Variants in NOTCH2 observed in about 807,000 individuals in gnomAD.
NOTCH2 encodes notch receptor 2.
A neutral mutation model predicts 235.8 loss-of-function variants in NOTCH2; 29 were observed. The ratio of observed to expected loss-of-function variants is 0.12; its 90% confidence interval spans 0.09 to 0.17. The LOEUF is 0.17. Ranked by LOEUF, NOTCH2 falls within the 10% of genes least tolerant of loss-of-function variation. NOTCH2 has a pLI of 1.00. For synonymous variants in NOTCH2, 1,086 were observed against 1,141.5 expected, an observed-to-expected ratio of 0.95 and a Z score of 0.98; for missense variants, 2,285 against 3,150.2, an observed-to-expected ratio of 0.73 and a Z score of 6.57.
intron 9 of NOTCH2, among the ~76,000 whole-genome samples, chr1:119,965,867 CCTT>C (rs1553199601): frequency 1.3e-5 from 2 of 152,104 alleles, no homozygotes; most frequent in Non-Finnish European, 2.9e-5. Context: ...GCAACAGAAA[CCTT>C]CTCTCTGAAG....
chr1:119,955,266 T>C, intron 12 of NOTCH2, 34 bp from the exon 13 acceptor site: 1 of 1,604,868 alleles, frequency 6.2e-7, no homozygotes, highest in South Asian at 1.1e-5. Context: ...AGTCACATCC[T>C]AAATGCTTAG....
intron 2 of NOTCH2, among the ~76,000 whole-genome samples, chr1:120,006,717 A>G (rs587754687): frequency 6.6e-6 from 1 of 151,474 alleles, no homozygotes; most frequent in Non-Finnish European, 1.5e-5. Context: ...ATTACCTCAA[A>G]GATTACACAT....
rs587708814 is a variant in NOTCH2, at chr1:119,912,959, G to A, written c.*2347C>T. On this transcript the variant is annotated 3_prime_UTR_variant, in exon 34 of 34. Transcript: ENST00000256646. ...GAAAAAGAAACAAGCAATTTGGTCTGACATTGTGCTTAAGGAAAAGGGAGG... is the reference window on the plus strand; with the variant it reads ...GAAAAAGAAACAAGCAATTTGGTCTAACATTGTGCTTAAGGAAAAGGGAGG... The A allele has an allele frequency of 4.3e-6, 1 of 233,554 alleles. No individual in the cohort carries two copies. The highest frequency in any genetic ancestry group is 1.8e-4 in the South Asian group (1 of 5,530). 14.5% of individuals were successfully genotyped at this position (233,554 alleles called of 1,614,324 possible).
rs1221414213 is a variant in NOTCH2 at position 119,919,515 on chromosome 1, T to A, written c.5578A>T (p.Thr1860Ser). The A allele has an allele frequency of 6.2e-7, 1 of 1,614,002 alleles. No homozygotes were observed. Among genetic ancestry groups the A allele is most frequent in the Non-Finnish European group, 8.5e-7 (1 of 1,180,042 alleles). Reference protein sequence around the residue: ...DAEDSSANIITDLVYQGASLQ... With the variant: ...DAEDSSANIISDLVYQGASLQ... ...CTGGCACCCTGGTAGACCAAGTCTG[T>A]GATGATGTTAGCAGAAGAGTCCTCT... is the stretch of plus-strand genomic sequence containing the variant. Residue 1860 changes from threonine to serine, a missense_variant, in exon 31 of 34, where the codon ACA (threonine) becomes TCA (serine). Coordinates refer to ENST00000256646, the MANE Select transcript of NOTCH2 (RefSeq NM_024408.4).
chr1:120,010,443 G>C (rs587651368), intron 2 of NOTCH2, among the ~76,000 whole-genome samples: 20 of 152,144 alleles, frequency 1.3e-4, no homozygotes, highest in African/African-American at 4.8e-4. Context: ...ATAAATGCTT[G>C]GAGTTATTAT....
At chr1:119,945,774 T>G (rs1553196967) in intron 17 of NOTCH2, among the ~76,000 whole-genome samples, 1 of 152,040 alleles carries the variant, frequency 6.6e-6, no homozygotes, top group Non-Finnish European at 1.5e-5. Flanking sequence ...TAGTAAAAGA[T>G]TTCAATACTC....
Position 120,068,974 on chromosome 1 carries a change from G to A in NOTCH2, c.73+360C>T, listed in dbSNP as rs782266881. 7 of 1,051,850 alleles carry A rather than the reference G, an allele frequency of 6.7e-6. No homozygotes were observed. The Admixed American group carries it at 8.9e-5, about 13-fold the overall frequency. 65.2% of individuals were successfully genotyped at this position (1,051,850 alleles called of 1,614,324 possible). Reference sequence around the variant, plus strand: ...TCAGCCCCTCCGAGGCCCGCCGTCGGCTCTCGCTCGACCCCAAGAAACGCG... The same window carrying A: ...TCAGCCCCTCCGAGGCCCGCCGTCGACTCTCGCTCGACCCCAAGAAACGCG... On this transcript the variant is annotated intron_variant, in intron 1 of 33. Transcript: ENST00000256646.
chr1:119,937,114 T>C (rs971079731), intron 21 of NOTCH2, among the ~76,000 whole-genome samples, 168 bp downstream of exon 21: 9 of 152,180 alleles, frequency 5.9e-5, no homozygotes, highest in African/African-American at 2.2e-4. Context: ...TGTTAACTTA[T>C]TGCACAGAGA....
chr1:120,064,156 G>GTT (rs1655417256), intron 1 of NOTCH2, among the ~76,000 whole-genome samples: 1 of 151,762 alleles, frequency 6.6e-6, no homozygotes, highest in African/African-American at 2.4e-5. Context: ...AATATAAGAA[G>GTT]ATCTTTCTAA....
chr1:119,997,137 G>C lies in NOTCH2; in HGVS notation c.611C>G (p.Ser204Cys). The stretch of plus-strand genomic sequence containing the variant: ...GCCCTGAGGGCACTGGCACTGGTAG[G>C]AACCAGGCAGGTTGAGGCAGGTGCC... ...HGGTCLNLPG[S>C]YQCQCPQGFT... The change falls in exon 4 of 34, where the codon TCC (serine) becomes TGC (cysteine). Residue 204 changes from serine to cysteine, a missense_variant. Coordinates refer to ENST00000256646, the MANE Select transcript of NOTCH2 (RefSeq NM_024408.4). The C allele has an allele frequency of 6.2e-7, 1 of 1,614,028 alleles. No individual in the cohort carries two copies. The highest frequency in any genetic ancestry group is 8.5e-7 in the Non-Finnish European group (1 of 1,179,872).
chr1:119,950,460 G>A, intron 15 of NOTCH2: 1 of 603,248 alleles, frequency 1.7e-6, no homozygotes, highest in South Asian at 1.5e-5. Flanking sequence ...TATGTGCCTG[G>A]TTCCAGCCAC....
At chr1:120,018,020 C>A (rs1275413970) in intron 2 of NOTCH2, among the ~76,000 whole-genome samples, 1 of 151,296 alleles carries the variant, frequency 6.6e-6, no homozygotes, top group Non-Finnish European at 1.5e-5. Flanking sequence ...AGTGTTGGAG[C>A]CTTCTTTCCA....
chr1:119,930,964 A>C (rs1335700611), intron 22 of NOTCH2, among the ~76,000 whole-genome samples: 3 of 145,254 alleles, frequency 2.1e-5, no homozygotes, highest in Admixed American at 6.9e-5. Context: ...TTAGCCAGGC[A>C]TGGTGGCGGG....
chr1:119,959,399 T>C lies in NOTCH2; in HGVS notation c.2019A>G (p.Gly673=). The C allele has an allele frequency of 1.3e-6, 2 of 1,592,436 alleles. No individual in the cohort carries two copies. Among genetic ancestry groups the C allele is most frequent in the Non-Finnish European group, 1.7e-6 (2 of 1,160,328 alleles). ...INRYSCVCSP[G]FTGQRCNIDI... ...CAGTAAAAGGAGCTTTACCTGTGAATCCTGGTGAGCAGACACAACTGTAGC... is the reference window on the plus strand; with the variant it reads ...CAGTAAAAGGAGCTTTACCTGTGAACCCTGGTGAGCAGACACAACTGTAGC... Residue 673 remains glycine (G), a synonymous_variant, in exon 12 of 34, where the codon GGA becomes GGG. Transcript: ENST00000256646.
chr1:119,923,796 C>T lies in NOTCH2; in HGVS notation c.4700G>A (p.Arg1567Gln), dbSNP rs1252720747. The T allele has an allele frequency of 3.1e-6, 5 of 1,614,116 alleles. No homozygotes were observed. The highest frequency in any genetic ancestry group is 1.7e-5 in the Admixed American group (1 of 60,012). The change falls in exon 26 of 34, where the codon CGG (arginine) becomes CAG (glutamine). Residue 1567 changes from arginine to glutamine, a missense_variant. Around this residue, in one of 6 missense-constraint regions of NOTCH2, gnomAD observed 1,173 missense variants for 1,515.3 expected, o/e 0.77. Transcript: ENST00000256646. ...QLLQDARSFLRALGTLLHTNL... is the reference protein window; with the variant it reads ...QLLQDARSFLQALGTLLHTNL... ...GGTGTGGAGCAGGGTACCCAGTGCC[C>T]GCAAGAAGCTGCGAGCATCCTGGAG... is the stretch of plus-strand genomic sequence containing the variant.
In NOTCH2 at chr1:119,967,758, T is replaced by C. The variant is rs587693285; in HGVS notation, c.1265-137A>G. 101 of 825,520 alleles carry C rather than the reference T, an allele frequency of 1.2e-4. 1 individual carries two copies. The highest frequency in any genetic ancestry group is 1.0e-3 in the South Asian group (66 of 64,718). 51.1% of individuals were successfully genotyped at this position (825,520 alleles called of 1,614,324 possible). A position where few individuals can be genotyped will look rare whatever the true frequency, so the allele number is the denominator to read the frequency against. Reference sequence around the variant, plus strand: ...TCATTCCCAATTTTCTATTTTTTTTTCCTTAATTTAAAAAGAAATAAAAGC... The same window carrying C: ...TCATTCCCAATTTTCTATTTTTTTTCCCTTAATTTAAAAAGAAATAAAAGC... On this transcript the variant is annotated intron_variant, in intron 7 of 33. Transcript: ENST00000256646.
chr1:119,944,376 A>T (rs1171253404), intron 17 of NOTCH2, among the ~76,000 whole-genome samples: 3 of 152,212 alleles, frequency 2.0e-5, no homozygotes, highest in East Asian at 3.9e-4. Context: ...TCTACTAAAA[A>T]TACAAAAAAT....
rs781793211 is a variant in NOTCH2, at chr1:119,937,457, A to G, written c.3347T>C (p.Val1116Ala). The G allele has an allele frequency of 3.1e-6, 5 of 1,613,440 alleles. No homozygotes were observed. The highest frequency in any genetic ancestry group is 4.2e-6 in the Non-Finnish European group (5 of 1,179,970). Residue 1116 changes from valine (V) to alanine (A), a missense_variant, in exon 21 of 34, where the codon GTT becomes GCT. Val to Ala is a moderately conservative substitution (Grantham distance 64). This residue lies in a region of NOTCH2 where 1,173 missense variants were observed against 1,515.3 expected (regional missense o/e 0.77). Transcript: ENST00000256646. ...ACCTGAGTGCTGGCACAAGTGTTCA[A>G]CAAGCACACCTGGGAAACCCAGTGA... The part of the protein sequence containing the change: ...DIAASRRGVL[V>A]EHLCQHSGVC...
In NOTCH2 at chr1:119,916,563, G is replaced by A. The variant is rs143282787; in HGVS notation, c.6159C>T (p.Arg2053=). 19 of 1,614,136 alleles carry A rather than the reference G, an allele frequency of 1.2e-5. No homozygotes were observed. In the African/African-American group the frequency reaches 2.1e-4, roughly 18 times the overall value. ...DRLPRDVARD[R]MHHDIVRLLD... is the part of the protein sequence containing the mutation. The stretch of plus-strand genomic sequence containing the variant: ...GAAGGCGCACAATGTCATGGTGCAT[G>A]CGATCCCGAGCCACATCCCGGGGAA... Residue 2053 remains arginine (R), a synonymous_variant, in exon 34 of 34, where the codon CGC becomes CGT. Coordinates refer to ENST00000256646, the MANE Select transcript of NOTCH2 (RefSeq NM_024408.4).
Sources: gnomAD v4.1 joint callset for allele counts (sites outside exome capture counted in the v4.1 genomes callset) on GRCh38, gnomAD v4.1.1 for gene constraint, gnomAD v4.1.1 regional missense constraint, MANE v1.5 for transcripts, NCBI Gene and HGNC (gene_info 2026-07-23, HGNC 2026-07-21) for gene names.